TMC1: variants seen among roughly 807,000 people sequenced by gnomAD.
The protein encoded by TMC1 is transmembrane channel-like protein 1.
In TMC1, 84 loss-of-function variants were observed where a neutral mutation model predicts 105.8. The ratio of observed to expected loss-of-function variants is 0.79; its 90% CI spans 0.67 to 0.95. TMC1 has a LOEUF of 0.95. Among genes scored for constraint, TMC1 ranks in the 40% least tolerant of loss-of-function variants. The pLI is 0.00. For missense variants in TMC1, 817 were observed against 914.1 expected (o/e 0.89, Z 1.37); for synonymous variants, 315 against 311.5 (o/e 1.01, Z -0.12).
Position 72,688,693 on chromosome 9 carries a change from T to C in TMC1, c.17-16T>C, listed in dbSNP as rs1181676165. 6.2e-7 allele frequency: 1 copy of C among 1,606,566 alleles called. No individual in the cohort carries two copies. Among genetic ancestry groups the C allele is most frequent in the Non-Finnish European group, 8.5e-7 (1 of 1,174,490 alleles). On this transcript the variant is annotated splice_polypyrimidine_tract_variant and intron_variant, in intron 5 of 23. Transcript: ENST00000297784. ...GGCATTTAAATAATTGCTGTACTGTTTTCTTTCCTCAACAGTACAAATCAA... is the reference window on the plus strand; with the variant it reads ...GGCATTTAAATAATTGCTGTACTGTCTTCTTTCCTCAACAGTACAAATCAA...
chr9:72,734,169 C>T (rs1294408754), intron 8 of TMC1, among the ~76,000 whole-genome samples: 2 of 152,180 alleles, frequency 1.3e-5, no homozygotes, highest in Non-Finnish European at 2.9e-5. Context: ...CAATTTAAAA[C>T]TTATGAATTG....
At chr9:72,814,225 T>C (rs992940023) in intron 18 of TMC1, among the ~76,000 whole-genome samples, 2 of 152,182 alleles carry the variant, frequency 1.3e-5, no homozygotes, top group African/African-American at 4.8e-5. Context: ...AGGCAACAGA[T>C]GGGTACGGGC....
chr9:72,742,555 A>T (rs1431536552), intron 10 of TMC1, 30 bp downstream of exon 10: 1 of 1,571,884 alleles, frequency 6.4e-7, no homozygotes, highest in Non-Finnish European at 8.8e-7. Context: ...CAGGTGGAGA[A>T]GGTTGTCTTA....
chr9:72,768,705 G>A (rs771658323), intron 12 of TMC1, among the ~76,000 whole-genome samples: 1 of 152,130 alleles, frequency 6.6e-6, no homozygotes, highest in Non-Finnish European at 1.5e-5. Context: ...TTAAACATAT[G>A]TTGAATGGTA....
intron 8 of TMC1, among the ~76,000 whole-genome samples, chr9:72,729,094 G>A (rs1420876886): frequency 6.6e-6 from 1 of 152,016 alleles, no homozygotes; most frequent in African/African-American, 2.4e-5. Flanking sequence ...TTCTGTGGCT[G>A]TAACTTGGAA....
At position 72,806,236 on chromosome 9, in the gene TMC1, C is replaced by T. The variant is rs1449660878; in HGVS notation, c.1695+726C>T. 2.3e-5 allele frequency among the ~76,000 whole-genome samples: 3 copies of T among 131,832 alleles called. 1 individual carries two copies. The highest frequency in any genetic ancestry group is 3.6e-5 in the Non-Finnish European group (2 of 55,714). The allele number at this position is 131,832 out of a possible 152,430, so 86.5% of individuals were successfully genotyped here. A position where few individuals can be genotyped will look rare whatever the true frequency, so the allele number is the denominator to read the frequency against. On this transcript the variant is annotated intron_variant, in intron 18 of 23. Coordinates refer to ENST00000297784, the MANE Select transcript of TMC1 (RefSeq NM_138691.3). ...CCGGGCAGGGGGCTGACCACCCCAC[C>T]TCCCTCCCGGATGGGGCGGCTGGCC...
chr9:72,561,197 T>G (rs958087484), intron 1 of TMC1, among the ~76,000 whole-genome samples: 17 of 151,474 alleles, frequency 1.1e-4, no homozygotes, highest in Non-Finnish European at 2.5e-4. Context: ...GGTGGGCACC[T>G]GTAGTCCCAG....
chr9:72,639,321 T>A (rs1316806906), intron 4 of TMC1, among the ~76,000 whole-genome samples: 1 of 152,178 alleles, frequency 6.6e-6, no homozygotes, highest in East Asian at 1.9e-4. Context: ...ATGCTAACCA[T>A]GGGCTTAAGA....
intron 2 of TMC1, among the ~76,000 whole-genome samples, chr9:72,607,000 T>TAGAGAGAGAGAGAGAGAGAG (rs796092443): frequency 6.4e-4 from 82 of 128,708 alleles, no homozygotes; most frequent in Non-Finnish European, 1.0e-3. Context: ...TATATATATA[T>TAGAGAGAGAGAGAGAGAGAG]ATAGAGAGAG....
intron 9 of TMC1, among the ~76,000 whole-genome samples, 179 bp from the exon 10 acceptor site, chr9:72,742,265 G>A (rs1171458793): frequency 1.3e-5 from 2 of 152,162 alleles, no homozygotes; most frequent in Admixed American, 6.5e-5. Context: ...TTGGTCTGGG[G>A]TTAGTGGAGA....
chr9:72,527,615 G>A (rs868739333), intron 1 of TMC1, among the ~76,000 whole-genome samples: 12 of 152,134 alleles, frequency 7.9e-5, no homozygotes, highest in Middle Eastern at 3.2e-3. Context: ...GGTTGCCAGC[G>A]CTACTTTGCA....
At chr9:72,612,546 C>A (rs1382654014) in intron 2 of TMC1, among the ~76,000 whole-genome samples, 1 of 151,922 alleles carries the variant, frequency 6.6e-6, no homozygotes, top group Non-Finnish European at 1.5e-5. Flanking sequence ...ATCTGTGTTA[C>A]CACCACTTAA....
chr9:72,623,147 G>GTTTTTTTTTTTTCTTTTTTTTTTT (rs1825285725), intron 3 of TMC1, among the ~76,000 whole-genome samples: 1 of 113,678 alleles, frequency 8.8e-6, no homozygotes, highest in Non-Finnish European at 1.7e-5. Context: ...CTCTCTCCCT[G>GTTTTTTTTTTTTCTTTTTTTTTTT]TTTTTTTTTT....
chr9:72,697,402 C>T (rs1826568459), intron 7 of TMC1, among the ~76,000 whole-genome samples: 1 of 152,018 alleles, frequency 6.6e-6, no homozygotes, highest in East Asian at 1.9e-4. Context: ...ATTATTATGA[C>T]ATAAGAAAGT....
intron 5 of TMC1, among the ~76,000 whole-genome samples, chr9:72,668,823 T>G (rs1826083393): frequency 6.6e-6 from 1 of 152,206 alleles, no homozygotes; most frequent in Non-Finnish European, 1.5e-5. Context: ...GCCTTCTTCA[T>G]AGAGACACAG....
intron 1 of TMC1, among the ~76,000 whole-genome samples, chr9:72,556,147 G>A (rs1225140155): frequency 1.4e-5 from 2 of 147,076 alleles, no homozygotes; most frequent in South Asian, 2.1e-4. Context: ...ACGGAGTTTC[G>A]CTTTGGTTAG....
intron 6 of TMC1, among the ~76,000 whole-genome samples, chr9:72,693,119 CA>C (rs5898267): frequency 6.2e-4 from 82 of 132,562 alleles, no homozygotes; most frequent in Middle Eastern, 4.1e-3. Flanking sequence ...AATTGTGTCT[CA>C]AAAAAAAAAA....
chr9:72,594,065 T>A (rs2132107549), intron 2 of TMC1, among the ~76,000 whole-genome samples: 1 of 152,322 alleles, frequency 6.6e-6, no homozygotes, highest in East Asian at 1.9e-4. Context: ...GAAAGATAAA[T>A]TCTTCCCTAA....
At chr9:72,768,646 A>T (rs1437704885) in intron 12 of TMC1, among the ~76,000 whole-genome samples, 1 of 151,734 alleles carries the variant, frequency 6.6e-6, no homozygotes, top group East Asian at 1.9e-4. Context: ...CAAAACCAGA[A>T]CCATTCTTGG....
Sources: gnomAD v4.1 joint callset for allele counts (sites outside exome capture counted in the v4.1 genomes callset) on GRCh38, gnomAD v4.1.1 for gene constraint, MANE v1.5 for transcripts, NCBI Gene and HGNC (gene_info 2026-07-23, HGNC 2026-07-21) for gene names.